KMT2A: variants seen among roughly 807,000 people sequenced by gnomAD.
KMT2A encodes the protein histone-lysine N-methyltransferase 2A.
A neutral mutation model predicts 345.3 loss-of-function variants in KMT2A; 16 were observed. That is an observed-to-expected ratio of 0.05 (90% CI 0.03 to 0.07). The LOEUF (loss-of-function observed/expected upper bound fraction) is 0.07. KMT2A is among the 10% of genes least tolerant of loss of function. KMT2A has a pLI of 1.00. For synonymous variants in KMT2A, 1,599 were observed against 1,778.6 expected, an observed-to-expected ratio of 0.90 and a Z score of 2.54; for missense variants, 3,272 against 4,841.6, an observed-to-expected ratio of 0.68 and a Z score of 9.62.
chr11:118,500,659 G>T, intron 24 of KMT2A: 1 of 182,242 alleles, frequency 5.5e-6, no homozygotes, highest in Non-Finnish European at 1.2e-5. Flanking sequence ...TAAGGCAATA[G>T]TTCGGTCCTG....
intron 1 of KMT2A, among the ~76,000 whole-genome samples, chr11:118,453,490 C>T (rs1177566148): frequency 6.6e-6 from 1 of 152,052 alleles, no homozygotes; most frequent in African/African-American, 2.4e-5. Context: ...CCCTCCTCTG[C>T]TTAACTCTCC....
At chr11:118,519,853 G>A in intron 32 of KMT2A, 61 bp downstream of exon 32, 1 of 1,576,120 alleles carries the variant, frequency 6.3e-7, no homozygotes, top group Non-Finnish European at 8.7e-7. Context: ...TCATGACACT[G>A]TCATCTTCCC....
chr11:118,478,510 T>C (rs769824763), intron 5 of KMT2A, among the ~76,000 whole-genome samples: 4 of 152,228 alleles, frequency 2.6e-5, no homozygotes, highest in Non-Finnish European at 5.9e-5. Flanking sequence ...TGACATGTGA[T>C]TAGTGTGACT....
chr11:118,514,737 G>A (rs919543198), intron 31 of KMT2A, among the ~76,000 whole-genome samples: 1 of 152,044 alleles, frequency 6.6e-6, no homozygotes, highest in Non-Finnish European at 1.5e-5. Context: ...GAATTCAAGC[G>A]ATTCTCCTGC....
chr11:118,470,245 C>T (rs1165609282), intron 2 of KMT2A, among the ~76,000 whole-genome samples: 2 of 152,152 alleles, frequency 1.3e-5, no homozygotes, highest in East Asian at 3.8e-4. Context: ...TTCAAGTCTA[C>T]CACAATGGTA....
chr11:118,454,177 G>A (rs1949596122), intron 1 of KMT2A, among the ~76,000 whole-genome samples: 1 of 152,090 alleles, frequency 6.6e-6, no homozygotes, highest in South Asian at 2.1e-4. Context: ...AGTAAACTCT[G>A]GTATCAAATC....
At position 118,495,159 on chromosome 11, in the gene KMT2A, TA is replaced by T. The variant is rs1555043601; in HGVS notation, c.5363+393del. 5.9e-5 allele frequency among the ~76,000 whole-genome samples: 9 copies of T among 151,518 alleles called. No individual in the cohort carries two copies. The highest frequency in any genetic ancestry group is 1.2e-4 in the Non-Finnish European group (8 of 67,948). On this transcript the variant is annotated intron_variant, in intron 18 of 35. Transcript: ENST00000534358. The surrounding 1 kb of genome is among the most constrained non-coding windows in gnomAD (Gnocchi z 4.1). ...TTCTTTTGATTTGATTTTATTTATT[TA>T]TTTATTTTTTTTTTTTTGAGACGGA...
In KMT2A at chr11:118,498,279, C is replaced by T. The variant is rs1386065011; in HGVS notation, c.5803-91C>T. The T allele has an allele frequency of 7.9e-7, 1 of 1,261,348 alleles. No individual in the cohort carries two copies. Among genetic ancestry groups the T allele is most frequent in the Non-Finnish European group, 1.1e-6 (1 of 905,742 alleles). 78.1% of individuals were successfully genotyped at this position (1,261,348 alleles called of 1,614,324 possible). Reference sequence around the variant, plus strand: ...CAATAGATAAAATGAATTGTAGGAACTGTAGAATGGGATGAGTCTATAGAG... The same window carrying T: ...CAATAGATAAAATGAATTGTAGGAATTGTAGAATGGGATGAGTCTATAGAG... On this transcript the variant is annotated intron_variant, in intron 21 of 35. Transcript: ENST00000534358. The surrounding 1 kb of genome is among the most constrained non-coding windows in gnomAD (Gnocchi z 4.4).
At chr11:118,464,887 T>C (rs1334297037) in intron 1 of KMT2A, among the ~76,000 whole-genome samples, 1 of 152,228 alleles carries the variant, frequency 6.6e-6, no homozygotes, top group African/African-American at 2.4e-5. Context: ...CAAAGAATGA[T>C]AGCATCAGCT....
chr11:118,518,047 G>A (rs1290430757), intron 31 of KMT2A, among the ~76,000 whole-genome samples: 7 of 152,108 alleles, frequency 4.6e-5, no homozygotes, highest in African/African-American at 1.7e-4. Context: ...ATGTCTGTTG[G>A]AATTGCATAT....
In KMT2A at chr11:118,498,675, C is replaced by A. The variant is rs1950449944; in HGVS notation, c.5961+147C>A. 2 of 748,722 alleles carry A rather than the reference C, an allele frequency of 2.7e-6. No individual in the cohort carries two copies. 46.4% of individuals were successfully genotyped at this position (748,722 alleles called of 1,614,324 possible). ...GCACAGCCTCCCCCATGATCAGCAT[C>A]CCCCACCAGAGTGGTGCATTTGTTA... On this transcript the variant is annotated intron_variant, in intron 22 of 35. Coordinates refer to ENST00000534358, the MANE Select transcript of KMT2A (RefSeq NM_001197104.2). The surrounding 1 kb of genome is among the most constrained non-coding windows in gnomAD (Gnocchi z 4.4).
At chr11:118,474,429 G>T in intron 3 of KMT2A, 114 bp downstream of exon 3, 1 of 1,313,736 alleles carries the variant, frequency 7.6e-7, no homozygotes, top group East Asian at 2.5e-5. Flanking sequence ...AGAAAAGTAT[G>T]GTGGAGGCAG....
At position 118,472,888 on chromosome 11, in the gene KMT2A, A is replaced by C; in HGVS notation, c.1729A>C (p.Ser577Arg). ...TPPPPLQPAS[S>R]ISDHTPWLMP... ...ACCGCCACCACTGCAGCCAGCCTCC[A>C]GTATCTCTGACCACACACCTTGGCT... Residue 577 changes from serine to arginine, a missense_variant, in exon 3 of 36, where the codon AGT (serine) becomes CGT (arginine). Ser to Arg is a moderately radical substitution (Grantham distance 110, BLOSUM62 -1). This residue lies in a region of KMT2A where 180 missense variants were observed against 190.7 expected (regional missense o/e 0.94). Transcript: ENST00000534358. 1 of 1,613,974 alleles carries C rather than the reference A, an allele frequency of 6.2e-7. No homozygotes were observed. Among genetic ancestry groups the C allele is most frequent in the Non-Finnish European group, 8.5e-7 (1 of 1,179,980 alleles).
At position 118,507,568 on chromosome 11, in the gene KMT2A, C is replaced by G. The variant is rs1418719123; in HGVS notation, c.10794C>G (p.Ser3598Arg). 1 of 1,614,102 alleles carries G rather than the reference C, an allele frequency of 6.2e-7. No homozygotes were observed. The highest frequency in any genetic ancestry group is 8.5e-7 in the Non-Finnish European group (1 of 1,179,972). ...AGGCTGAGCAGCAGGATACAGCTAG[C>G]GTGGAGCAGTCCTCCCAGAAGGAGT... ...GAEAEQQDTA[S>R]VEQSSQKECG... Residue 3598 changes from serine (S) to arginine (R), a missense_variant, in exon 28 of 36, where the codon AGC (serine) becomes AGG (arginine). By Grantham distance (110) the Ser-to-Arg change is moderately radical. Transcript: ENST00000534358.
chr11:118,491,168 A>G lies in KMT2A; in HGVS notation c.4697-28A>G, dbSNP rs1555042344. ...AAAACACGGGTATGTGAGCCAAAGC[A>G]CTGCTGTAAACTTTGCTTTGCTTTC... On this transcript the variant is annotated intron_variant, in intron 13 of 35. Coordinates refer to ENST00000534358, the MANE Select transcript of KMT2A (RefSeq NM_001197104.2). This position sits in a 1 kb window ranked among gnomAD's most constrained non-coding sequence, Gnocchi z 4.2. 1 of 1,609,348 alleles carries G rather than the reference A, an allele frequency of 6.2e-7. No homozygotes were observed. Among genetic ancestry groups the G allele is most frequent in the African/African-American group, 1.3e-5 (1 of 74,698 alleles).
chr11:118,468,897 G>A, intron 2 of KMT2A, 53 bp downstream of exon 2: 5 of 1,435,710 alleles, frequency 3.5e-6, no homozygotes, highest in Non-Finnish European at 4.9e-6. Flanking sequence ...TTAGGAGATT[G>A]TGGCTTCCTC....
intron 31 of KMT2A, among the ~76,000 whole-genome samples, chr11:118,515,974 C>A (rs1364685835): frequency 6.6e-6 from 1 of 152,008 alleles, no homozygotes; most frequent in Non-Finnish European, 1.5e-5. Context: ...AGGTACCCAG[C>A]CCCATGTCCA....
intron 2 of KMT2A, among the ~76,000 whole-genome samples, chr11:118,470,289 G>A (rs1207122407): frequency 6.6e-6 from 1 of 152,078 alleles, no homozygotes; most frequent in Non-Finnish European, 1.5e-5. Context: ...GGCAGGAGTT[G>A]TTTTGTTTGT....
chr11:118,491,226 A>G lies in KMT2A; in HGVS notation c.4727A>G (p.Tyr1576Cys). 1 of 1,611,984 alleles carries G rather than the reference A, an allele frequency of 6.2e-7. No homozygotes were observed. The highest frequency in any genetic ancestry group is 8.5e-7 in the Non-Finnish European group (1 of 1,178,768). The change falls in exon 14 of 36, where the codon TAT (tyrosine) becomes TGT (cysteine). Residue 1576 changes from tyrosine (Y) to cysteine (C), a missense_variant. Around this residue, in one of 27 missense-constraint regions of KMT2A, gnomAD observed 120 missense variants for 280.4 expected, o/e 0.43. Coordinates refer to ENST00000534358, the MANE Select transcript of KMT2A (RefSeq NM_001197104.2). This position sits in a 1 kb window ranked among gnomAD's most constrained non-coding sequence, Gnocchi z 4.2. ...GNFCPLCDKC[Y>C]DDDDYESKMM... is the part of the protein sequence containing the mutation. The stretch of plus-strand genomic sequence containing the variant: ...TTCTGCCCTCTCTGTGACAAATGTT[A>G]TGATGATGATGACTATGAGAGTAAG...
Sources: gnomAD v4.1 joint callset for allele counts (sites outside exome capture counted in the v4.1 genomes callset) on GRCh38, gnomAD v4.1.1 for gene constraint, gnomAD v4.1.1 regional missense constraint, Gnocchi (gnomAD v3.1) non-coding constraint, MANE v1.5 for transcripts, NCBI Gene and HGNC (gene_info 2026-07-23, HGNC 2026-07-21) for gene names.